SYBU: variants seen among roughly 807,000 people sequenced by gnomAD.
SYBU encodes the protein GOLSYN A protein.
SYBU carries 21 observed loss-of-function variants against 35.9 expected under a neutral mutation model. That is an observed-to-expected ratio of 0.58 (90% CI 0.41 to 0.84). The LOEUF (loss-of-function observed/expected upper bound fraction) is 0.84. SYBU is among the 40% of genes least tolerant of loss of function. SYBU has a pLI of 0.00. For synonymous variants in SYBU, 319 were observed against 324.3 expected (o/e 0.98, Z 0.18); for missense variants, 768 against 848.2 (o/e 0.91, Z 1.17).
At chr8:109,598,120 T>C (rs1366081240) in intron 3 of SYBU, among the ~76,000 whole-genome samples, 1 of 152,194 alleles carries the variant, frequency 6.6e-6, no homozygotes, top group Non-Finnish European at 1.5e-5. Flanking sequence ...GATGCTAAAG[T>C]TTGAGGACCA....
At chr8:109,622,103 T>C (rs1812461931) in intron 2 of SYBU, among the ~76,000 whole-genome samples, 1 of 151,774 alleles carries the variant, frequency 6.6e-6, no homozygotes, top group Non-Finnish European at 1.5e-5. Flanking sequence ...AAAATATTCT[T>C]AGTTCCCATT....
Position 109,661,335 on chromosome 8 carries a change from A to T in SYBU, c.-129+19376T>A, listed in dbSNP as rs3108864. Among the ~76,000 whole-genome samples the T allele has an allele frequency of 6.6e-5, 10 of 152,216 alleles. No homozygotes were observed. The South Asian group carries it at 1.5e-3, about 22-fold the overall frequency. On this transcript the variant is annotated intron_variant, in intron 1 of 5. Transcript: ENST00000408889. ...AAGAAATGCTAGGATTGAACTTTGT[A>T]AATAAAAAAATTATGATGTTTAATA...
intron 1 of SYBU, among the ~76,000 whole-genome samples, chr8:109,688,162 G>T (rs1040253423): frequency 1.3e-5 from 2 of 152,098 alleles, no homozygotes; most frequent in African/African-American, 4.8e-5. Context: ...CATATTAGGA[G>T]AAATGTAACT....
At chr8:109,600,573 T>C (rs747744898) in intron 3 of SYBU, among the ~76,000 whole-genome samples, 23 of 152,210 alleles carry the variant, frequency 1.5e-4, no homozygotes, top group Non-Finnish European at 2.5e-4. Flanking sequence ...AGAAATGGTA[T>C]CATTAACTTT....
chr8:109,644,802 G>T lies in SYBU; in HGVS notation c.-143C>A, dbSNP rs1815427023. ...GGTGAGGCTCCAACGCGCCGCCGCCGCCACTGCCGCCGATTGCTCTGGGCT... is the reference window on the plus strand; with the variant it reads ...GGTGAGGCTCCAACGCGCCGCCGCCTCCACTGCCGCCGATTGCTCTGGGCT... On this transcript the variant is annotated 5_prime_UTR_variant, in exon 1 of 7. Coordinates refer to ENST00000276646, the MANE Select transcript of SYBU (RefSeq NM_001099754.2). The T allele has an allele frequency of 1.3e-6, 1 of 778,956 alleles. No homozygotes were observed. The highest frequency in any genetic ancestry group is 1.8e-6 in the Non-Finnish European group (1 of 553,352). 48.3% of individuals were successfully genotyped at this position (778,956 alleles called of 1,614,324 possible).
intron 1 of SYBU, among the ~76,000 whole-genome samples, chr8:109,686,828 T>G (rs970909519): frequency 6.6e-6 from 1 of 152,206 alleles, no homozygotes; most frequent in African/African-American, 2.4e-5. Context: ...TCATTCCTTA[T>G]TTTCAGAGAA....
At chr8:109,658,886 G>T (rs1383223356) in intron 1 of SYBU, among the ~76,000 whole-genome samples, 1 of 152,020 alleles carries the variant, frequency 6.6e-6, no homozygotes, top group African/African-American at 2.4e-5. Flanking sequence ...CCGGAAAGGC[G>T]GAGGTTGCAG....
chr8:109,618,729 T>G (rs529359820), intron 3 of SYBU, 113 bp downstream of exon 3: 319 of 966,842 alleles, frequency 3.3e-4, no homozygotes, highest in Middle Eastern at 3.4e-4. Context: ...ATGCTTTAGA[T>G]GCTGGGTACG....
chr8:109,652,097 T>C (rs1816167015), intron 1 of SYBU, among the ~76,000 whole-genome samples: 1 of 152,228 alleles, frequency 6.6e-6, no homozygotes, highest in South Asian at 2.1e-4. Context: ...CAATGATTGC[T>C]GCCTCAAGTG....
At chr8:109,631,532 G>A (rs908606583) in intron 2 of SYBU, among the ~76,000 whole-genome samples, 10 of 152,178 alleles carry the variant, frequency 6.6e-5, no homozygotes, top group Admixed American at 1.3e-4. Context: ...AGAAGACTCC[G>A]TGCTCTCTCT....
At chr8:109,601,796 T>C (rs953766485) in intron 3 of SYBU, among the ~76,000 whole-genome samples, 6 of 152,140 alleles carry the variant, frequency 3.9e-5, no homozygotes, top group African/African-American at 1.4e-4. Context: ...GGCTAGAATA[T>C]AGTGATCATA....
intron 2 of SYBU, among the ~76,000 whole-genome samples, chr8:109,622,898 T>C (rs1285002794): frequency 6.6e-6 from 1 of 152,200 alleles, no homozygotes; most frequent in Non-Finnish European, 1.5e-5. Context: ...GAAGAAGGCC[T>C]GACAAAACTA....
At chr8:109,583,966 G>A (rs1823330809) in intron 4 of SYBU, among the ~76,000 whole-genome samples, 1 of 150,068 alleles carries the variant, frequency 6.7e-6, no homozygotes, top group South Asian at 2.1e-4. Flanking sequence ...CCACCTACAT[G>A]CCCGGCTAAT....
chr8:109,638,986 T>C (rs889226393), intron 2 of SYBU, among the ~76,000 whole-genome samples: 1 of 152,122 alleles, frequency 6.6e-6, no homozygotes, highest in Admixed American at 6.6e-5. Context: ...AATTAGCATA[T>C]AGAATATCAA....
At chr8:109,658,314 G>A (rs1039229671) in intron 1 of SYBU, among the ~76,000 whole-genome samples, 1 of 152,202 alleles carries the variant, frequency 6.6e-6, no homozygotes, top group Non-Finnish European at 1.5e-5. Context: ...GGTTTTGCCT[G>A]TCCTATTTTT....
At chr8:109,629,642 T>C (rs2130501836) in intron 2 of SYBU, among the ~76,000 whole-genome samples, 1 of 152,236 alleles carries the variant, frequency 6.6e-6, no homozygotes, top group Non-Finnish European at 1.5e-5. Flanking sequence ...TGATTTATAG[T>C]CCTTTGGGTA....
intron 3 of SYBU, among the ~76,000 whole-genome samples, chr8:109,597,841 A>G (rs1825069557): frequency 6.6e-6 from 1 of 152,254 alleles, no homozygotes; most frequent in African/African-American, 2.4e-5. Context: ...ATGACTTGTC[A>G]CTTCAAAATG....
intron 4 of SYBU, among the ~76,000 whole-genome samples, chr8:109,582,968 C>T (rs564012552): frequency 1.3e-5 from 2 of 152,104 alleles, no homozygotes; most frequent in African/African-American, 4.8e-5. Context: ...ATCAGACTTC[C>T]CTTTTCCAGA....
intron 2 of SYBU, among the ~76,000 whole-genome samples, chr8:109,620,817 A>G (rs927600050): frequency 1.3e-5 from 2 of 152,018 alleles, no homozygotes; most frequent in African/African-American, 4.8e-5. Flanking sequence ...CCTTACACTT[A>G]CACACCCCAG....
Sources: gnomAD v4.1 joint callset for allele counts (sites outside exome capture counted in the v4.1 genomes callset) on GRCh38, gnomAD v4.1.1 for gene constraint, MANE v1.5 for transcripts, NCBI Gene and HGNC (gene_info 2026-07-23, HGNC 2026-07-21) for gene names.